The following PRKG1 variants were observed in gnomAD, a reference collection of about 807,000 sequenced individuals.
PRKG1 encodes cGMP-dependent protein kinase 1.
In PRKG1, 35 loss-of-function variants were observed where a neutral mutation model predicts 88.1. That is an observed-to-expected ratio of 0.40 (90% CI 0.30 to 0.53). The LOEUF is 0.53. Among genes scored for constraint, PRKG1 ranks in the 20% least tolerant of loss-of-function variants. The pLI is 0.59. For missense variants in PRKG1, 540 were observed against 839.8 expected (o/e 0.64, Z 4.41); for synonymous variants, 303 against 292.5 (o/e 1.04, Z -0.37).
chr10:51,108,464 A>T (rs915578610), intron 1 of PRKG1, among the ~76,000 whole-genome samples: 8 of 152,222 alleles, frequency 5.3e-5, no homozygotes, highest in African/African-American at 1.9e-4. Flanking sequence ...AAAGTAAATC[A>T]ATGTAATTTA....
At chr10:51,504,957 C>G (rs376963109) in intron 3 of PRKG1, among the ~76,000 whole-genome samples, 3 of 152,086 alleles carry the variant, frequency 2.0e-5, no homozygotes, top group African/African-American at 7.2e-5. Context: ...ATTGAATACC[C>G]TTTATTTCCT....
At chr10:51,008,575 C>T (rs1367240394) in intron 1 of PRKG1, among the ~76,000 whole-genome samples, 3 of 152,168 alleles carry the variant, frequency 2.0e-5, no homozygotes, top group Non-Finnish European at 4.4e-5. Context: ...ACATGGTTGT[C>T]TTTTCTCTGT....
chr10:51,543,891 A>C (rs148618869), intron 3 of PRKG1, among the ~76,000 whole-genome samples: 88 of 151,682 alleles, frequency 5.8e-4, no homozygotes, highest in Admixed American at 1.1e-3. Context: ...GATTTGGAAA[A>C]CTCTCCTTAT....
intron 5 of PRKG1, among the ~76,000 whole-genome samples, chr10:52,001,888 G>C (rs1844608997): frequency 6.6e-6 from 1 of 151,894 alleles, no homozygotes; most frequent in South Asian, 2.1e-4. Context: ...CTTTTAAACT[G>C]TTTAAATCTA....
chr10:51,025,251 A>C (rs540761079), intron 1 of PRKG1, among the ~76,000 whole-genome samples: 12 of 152,230 alleles, frequency 7.9e-5, no homozygotes, highest in African/African-American at 2.6e-4. Context: ...CTCCTCCCCC[A>C]GCTTTATCCT....
intron 1 of PRKG1, among the ~76,000 whole-genome samples, chr10:51,046,053 C>T (rs1019559641): frequency 5.9e-5 from 9 of 152,170 alleles, no homozygotes; most frequent in Non-Finnish European, 8.8e-5. Context: ...TAGTAGATAG[C>T]GCCAGGGTCT....
chr10:51,346,837 T>A (rs892785134), intron 2 of PRKG1, among the ~76,000 whole-genome samples: 13 of 152,206 alleles, frequency 8.5e-5, no homozygotes, highest in African/African-American at 3.1e-4. Flanking sequence ...TGATACCTAA[T>A]CTTCCTCTGT....
intron 5 of PRKG1, among the ~76,000 whole-genome samples, chr10:51,956,336 T>G (rs1388731573): frequency 6.6e-6 from 1 of 151,748 alleles, no homozygotes; most frequent in Non-Finnish European, 1.5e-5. Context: ...ACAACAATAA[T>G]ATCTGTATTA....
At chr10:52,165,880 G>T (rs549071401) in intron 9 of PRKG1, among the ~76,000 whole-genome samples, 35 of 152,358 alleles carry the variant, frequency 2.3e-4, no homozygotes, top group Middle Eastern at 3.4e-3. Flanking sequence ...AGCTCAGGTA[G>T]ATAGTCTAGG....
chr10:51,152,987 T>TTC, intron 1 of PRKG1, among the ~76,000 whole-genome samples, 177 bp from the exon 2 acceptor site: 1 of 148,258 alleles, frequency 6.7e-6, no homozygotes, highest in Non-Finnish European at 1.5e-5. Context: ...TTTTTTTTTT[T>TTC]TTTTTTGTTT....
chr10:51,181,456 T>A lies in PRKG1; in HGVS notation c.478+28126T>A, dbSNP rs192961980. Among the ~76,000 whole-genome samples the A allele has an allele frequency of 8.5e-3, 1,285 of 151,040 alleles. 11 individuals are homozygous for A. The highest frequency in any genetic ancestry group is 0.03 in the African/African-American group (1,230 of 41,118). ...CGGGGTTTCACCTTGTTAGCCAGGA[T>A]GGTCTCGATCTCCTGACCTCATGAT... On this transcript the variant is annotated intron_variant, in intron 2 of 17. Coordinates refer to ENST00000373980, the MANE Select transcript of PRKG1 (RefSeq NM_006258.4).
intron 2 of PRKG1, among the ~76,000 whole-genome samples, chr10:51,263,786 G>A (rs2132164002): frequency 6.6e-6 from 1 of 152,262 alleles, no homozygotes; most frequent in East Asian, 1.9e-4. Flanking sequence ...AGTTGAATAA[G>A]GTAACAACCT....
chr10:51,758,007 T>A (rs1026533218), intron 3 of PRKG1, among the ~76,000 whole-genome samples: 2 of 152,140 alleles, frequency 1.3e-5, no homozygotes, highest in African/African-American at 4.8e-5. Context: ...TATATGTAAG[T>A]TTTGTAGATA....
chr10:51,443,635 T>G (rs1210117151), intron 2 of PRKG1, among the ~76,000 whole-genome samples: 1 of 152,036 alleles, frequency 6.6e-6, no homozygotes, highest in Non-Finnish European at 1.5e-5. Context: ...TCCACAAATG[T>G]GGACTTTATT....
chr10:51,307,974 G>A (rs954023575), intron 2 of PRKG1, among the ~76,000 whole-genome samples: 4 of 152,042 alleles, frequency 2.6e-5, no homozygotes, highest in African/African-American at 9.7e-5. Context: ...TATGTCTATT[G>A]AGCTCCACCT....
At chr10:51,628,837 TG>T (rs1794487178) in intron 3 of PRKG1, among the ~76,000 whole-genome samples, 1 of 151,636 alleles carries the variant, frequency 6.6e-6, no homozygotes, top group Non-Finnish European at 1.5e-5. Context: ...CGGGCGCCTG[TG>T]GTCCCAGCTA....
At chr10:51,651,059 G>C (rs1356963060) in intron 3 of PRKG1, among the ~76,000 whole-genome samples, 4 of 152,136 alleles carry the variant, frequency 2.6e-5, no homozygotes, top group Non-Finnish European at 4.4e-5. Context: ...ATGGGTAAAG[G>C]CCAGGGATTC....
At chr10:51,896,395 A>T (rs923879125) in intron 4 of PRKG1, among the ~76,000 whole-genome samples, 2 of 151,956 alleles carry the variant, frequency 1.3e-5, no homozygotes, top group Admixed American at 1.3e-4. Context: ...GCAGAAGGTG[A>T]TATCATCTTA....
intron 3 of PRKG1, among the ~76,000 whole-genome samples, chr10:51,779,114 A>C (rs556772842): frequency 2.0e-5 from 3 of 152,244 alleles, no homozygotes; most frequent in African/African-American, 4.8e-5. Flanking sequence ...CTATATTTCC[A>C]TAAAAGAACC....
Sources: allele counts gnomAD v4.1 joint callset (sites outside exome capture counted in the v4.1 genomes callset), GRCh38; gene constraint gnomAD v4.1.1; transcripts MANE v1.5; gene names NCBI Gene and HGNC (gene_info 2026-07-23, HGNC 2026-07-21).